UMAD1: variants seen among roughly 807,000 people sequenced by gnomAD.
UMAD1 encodes UBAP1-MVB12-associated (UMA)-domain containing protein 1.
UMAD1 carries 8 observed loss-of-function variants against 6.1 expected under a neutral mutation model. That is an observed-to-expected ratio of 1.30 (90% CI 0.76 to 2.35). UMAD1 has a LOEUF of 2.35. Among genes scored for constraint, UMAD1 ranks in the 30% most tolerant of loss-of-function variants. The pLI is 0.00. For synonymous variants in UMAD1, 56 were observed against 31.4 expected (o/e 1.78, Z -2.61); for missense variants, 130 against 78.4 (o/e 1.66, Z -2.49).
At chr7:7,856,134 C>T (rs1181734866) in intron 3 of UMAD1, among the ~76,000 whole-genome samples, 1 of 152,226 alleles carries the variant, frequency 6.6e-6, no homozygotes, top group Admixed American at 6.5e-5. Context: ...CAAACTGTTC[C>T]AACCTCTGCC....
At chr7:7,646,962 A>C (rs1365746087) in intron 1 of UMAD1, among the ~76,000 whole-genome samples, 1 of 152,190 alleles carries the variant, frequency 6.6e-6, no homozygotes, top group Non-Finnish European at 1.5e-5. Context: ...TCCAGGCTTA[A>C]GGGTGGAGCC....
At chr7:7,838,698 A>G (rs1008160020) in intron 3 of UMAD1, among the ~76,000 whole-genome samples, 1 of 152,184 alleles carries the variant, frequency 6.6e-6, no homozygotes, top group African/African-American at 2.4e-5. Flanking sequence ...ACAAATATCC[A>G]TCATCCACAG....
At chr7:7,870,371 A>G (rs1308604141) in intron 3 of UMAD1, among the ~76,000 whole-genome samples, 1 of 152,234 alleles carries the variant, frequency 6.6e-6, no homozygotes, top group Non-Finnish European at 1.5e-5. Context: ...AACAGGATTC[A>G]TCACAAAAAT....
At chr7:7,754,078 A>G (rs112141723) in intron 2 of UMAD1, among the ~76,000 whole-genome samples, 25,176 of 152,036 alleles carry the variant, frequency 0.17, 2,282 homozygotes, top group Non-Finnish European at 0.19. Flanking sequence ...ACAGCTACTC[A>G]GGAGGCTGGG....
chr7:7,833,206 G>A (rs117300771), intron 3 of UMAD1, among the ~76,000 whole-genome samples: 8 of 152,164 alleles, frequency 5.3e-5, no homozygotes, highest in East Asian at 3.9e-4. Flanking sequence ...CTGTGAAATC[G>A]GGCAGGCCTC....
intron 1 of UMAD1, among the ~76,000 whole-genome samples, chr7:7,651,488 C>G (rs573727117): frequency 6.6e-6 from 1 of 152,190 alleles, no homozygotes; most frequent in Non-Finnish European, 1.5e-5. Flanking sequence ...CCTCTTCTGT[C>G]TCGTATTTTC....
chr7:7,762,835 A>C (rs1196927044), intron 2 of UMAD1, among the ~76,000 whole-genome samples: 2 of 152,162 alleles, frequency 1.3e-5, no homozygotes, highest in Non-Finnish European at 2.9e-5. Flanking sequence ...CGAAGGCTTC[A>C]TGAGTTGAAA....
intron 2 of UMAD1, among the ~76,000 whole-genome samples, chr7:7,681,318 A>G (rs1487223739): frequency 6.6e-6 from 1 of 152,174 alleles, no homozygotes; most frequent in African/African-American, 2.4e-5. Flanking sequence ...ATTAGATGGC[A>G]TTGCAGAGTT....
intron 3 of UMAD1, among the ~76,000 whole-genome samples, chr7:7,834,016 CTTTTTTTTTTTTTTTT>C (rs4034895): frequency 9.1e-6 from 1 of 110,450 alleles, no homozygotes; most frequent in South Asian, 3.0e-4. Context: ...TTTTTCTTTT[CTTTTTTTTTTTTTTTT>C]TTTTTTTTGA....
chr7:7,875,538 A>G (rs1784401213), intron 3 of UMAD1, among the ~76,000 whole-genome samples: 1 of 152,238 alleles, frequency 6.6e-6, no homozygotes, highest in Non-Finnish European at 1.5e-5. Context: ...AATACAAACT[A>G]CCATCAGAGA....
chr7:7,824,656 T>C (rs986285712), intron 3 of UMAD1, among the ~76,000 whole-genome samples: 2 of 152,130 alleles, frequency 1.3e-5, no homozygotes, highest in African/African-American at 4.8e-5. Context: ...CAGTAGAAGT[T>C]TGGAAGATTT....
At chr7:7,775,878 T>G (rs1403830446) in intron 2 of UMAD1, among the ~76,000 whole-genome samples, 1 of 152,166 alleles carries the variant, frequency 6.6e-6, no homozygotes, top group Non-Finnish European at 1.5e-5. Context: ...CCTATAGTAA[T>G]GGATAGCAAA....
At chr7:7,784,326 T>A (rs1782412009) in intron 2 of UMAD1, among the ~76,000 whole-genome samples, 1 of 137,380 alleles carries the variant, frequency 7.3e-6, no homozygotes, top group South Asian at 2.4e-4. Flanking sequence ...AATTTTCTAC[T>A]TAAAATCTCT....
At chr7:7,677,863 C>T (rs1212730627) in intron 2 of UMAD1, among the ~76,000 whole-genome samples, 7 of 150,950 alleles carry the variant, frequency 4.6e-5, no homozygotes, top group East Asian at 1.9e-4. Context: ...TTAGTAGAGA[C>T]GGGGTTTCAC....
At chr7:7,735,761 G>T (rs1418398882) in intron 2 of UMAD1, 1 of 152,252 alleles carries the variant, frequency 6.6e-6, no homozygotes, top group African/African-American at 2.4e-5. Context: ...TATCAAGGCA[G>T]TTTTGATTAT....
intron 2 of UMAD1, among the ~76,000 whole-genome samples, chr7:7,783,026 C>T (rs947122189): frequency 6.6e-6 from 1 of 152,322 alleles, no homozygotes; most frequent in East Asian, 1.9e-4. Flanking sequence ...AGGCATCGTG[C>T]CCAACCTAGT....
intron 3 of UMAD1, among the ~76,000 whole-genome samples, chr7:7,802,758 C>T (rs980943064): frequency 1.4e-4 from 22 of 152,166 alleles, no homozygotes; most frequent in Non-Finnish European, 2.9e-5. Context: ...CAGTGTGATT[C>T]ACCATGGTTC....
chr7:7,667,048 A>G (rs980067470), intron 1 of UMAD1, among the ~76,000 whole-genome samples: 1 of 152,152 alleles, frequency 6.6e-6, no homozygotes, highest in African/African-American at 2.4e-5. Context: ...ACCTCAGGTG[A>G]TCCACCCGCC....
chr7:7,643,226 G>A (rs1000822027), intron 1 of UMAD1, among the ~76,000 whole-genome samples: 13 of 152,180 alleles, frequency 8.5e-5, no homozygotes, highest in African/African-American at 3.1e-4. Context: ...AGCTTCCTGG[G>A]CATGCATATT....
Sources: gnomAD v4.1 joint callset for allele counts (sites outside exome capture counted in the v4.1 genomes callset) on GRCh38, gnomAD v4.1.1 for gene constraint, MANE v1.5 for transcripts, NCBI Gene and HGNC (gene_info 2026-07-23, HGNC 2026-07-21) for gene names.